The following CNTN6 variants were observed in gnomAD, a reference collection of about 807,000 sequenced individuals.
The protein encoded by CNTN6 is contactin-6.
Under a neutral mutation model 122.8 loss-of-function variants are expected in CNTN6, and 137 were observed. The observed-to-expected ratio is 1.12, with a 90% CI of 0.97 to 1.29. The LOEUF (loss-of-function observed/expected upper bound fraction) is 1.29, where lower values mean the gene tolerates loss of function less well. Among genes scored for constraint, CNTN6 ranks in the 50% most tolerant of loss-of-function variants. CNTN6 has a pLI of 0.00. For synonymous variants in CNTN6, 570 were observed against 426.0 expected, an observed-to-expected ratio of 1.34 and a Z score of -4.16; for missense variants, 1,634 against 1,223.4, an observed-to-expected ratio of 1.34 and a Z score of -5.01.
At chr3:1,192,096 T>C (rs186419681) in intron 2 of CNTN6, among the ~76,000 whole-genome samples, 1 of 152,170 alleles carries the variant, frequency 6.6e-6, no homozygotes, top group Non-Finnish European at 1.5e-5. Context: ...TTTAGGTCAG[T>C]CCTTCATTAT....
intron 7 of CNTN6, among the ~76,000 whole-genome samples, chr3:1,312,192 CTAA>C (rs149352472): frequency 0.03 from 4,536 of 152,056 alleles, 100 homozygotes; most frequent in Non-Finnish European, 0.039. Context: ...CACTCCGAAT[CTAA>C]TGTCAAACAT....
intron 1 of CNTN6, among the ~76,000 whole-genome samples, chr3:1,130,909 T>C (rs369603256): frequency 3.9e-4 from 59 of 152,272 alleles, no homozygotes; most frequent in African/African-American, 1.3e-3. Flanking sequence ...ATTTATAAAT[T>C]AAGATGGAAC....
At chr3:1,294,033 C>G (rs936847734) in intron 5 of CNTN6, among the ~76,000 whole-genome samples, 1 of 152,172 alleles carries the variant, frequency 6.6e-6, no homozygotes, top group Non-Finnish European at 1.5e-5. Flanking sequence ...GATACAACCA[C>G]TTTAAAAAAT....
intron 12 of CNTN6, among the ~76,000 whole-genome samples, chr3:1,361,362 G>A (rs958856712): frequency 6.6e-6 from 1 of 152,040 alleles, no homozygotes; most frequent in African/African-American, 2.4e-5. Flanking sequence ...GTCACTCTTA[G>A]GACTGAAATC....
intron 6 of CNTN6, among the ~76,000 whole-genome samples, chr3:1,297,643 T>TC (rs1187107918): frequency 2.1e-5 from 3 of 144,892 alleles, no homozygotes; most frequent in Non-Finnish European, 4.4e-5. Flanking sequence ...TTTTTCTTTT[T>TC]TTTTTTTTTT....
At position 1,332,495 on chromosome 3, in the gene CNTN6, AAAGG is replaced by A. The variant is rs71056331; in HGVS notation, c.1364+2594_1364+2597del. Among the ~76,000 whole-genome samples, 493 of 118,624 alleles carry A rather than the reference AAAGG, an allele frequency of 4.2e-3. 2 individuals are homozygous for A. Among genetic ancestry groups the A allele is most frequent in the African/African-American group, 5.1e-3 (148 of 28,838 alleles). The allele number at this position is 118,624 out of a possible 152,430, so 77.8% of individuals were successfully genotyped here. ...GAAAGAGAGAAAGAAAGGAAGGAAA[AAAGG>A]AAGGAAGGAAGGAAGGAAGGAAGGA... On this transcript the variant is annotated intron_variant, in intron 11 of 22. Transcript: ENST00000446702.
chr3:1,342,357 T>C (rs1704016727), intron 11 of CNTN6, among the ~76,000 whole-genome samples: 1 of 152,168 alleles, frequency 6.6e-6, no homozygotes, highest in East Asian at 1.9e-4. Flanking sequence ...CTCGAACTCC[T>C]GACCTAGTTA....
At chr3:1,213,189 A>G (rs2094072319) in intron 2 of CNTN6, among the ~76,000 whole-genome samples, 1 of 152,200 alleles carries the variant, frequency 6.6e-6, no homozygotes, top group Admixed American at 6.5e-5. Context: ...TATACCCCCA[A>G]TTTGGACTAC....
intron 1 of CNTN6, among the ~76,000 whole-genome samples, chr3:1,094,711 A>G (rs1041809302): frequency 1.3e-5 from 2 of 152,084 alleles, no homozygotes; most frequent in Non-Finnish European, 2.9e-5. Context: ...AAAAAAATCA[A>G]TTATGTTGTG....
intron 2 of CNTN6, among the ~76,000 whole-genome samples, chr3:1,203,840 G>A (rs555336560): frequency 2.6e-5 from 4 of 152,264 alleles, no homozygotes; most frequent in Admixed American, 2.0e-4. Context: ...CTATGAGATG[G>A]TGGTAACTTA....
chr3:1,222,461 C>T (rs1355662497), intron 3 of CNTN6, among the ~76,000 whole-genome samples: 1 of 151,974 alleles, frequency 6.6e-6, no homozygotes, highest in Non-Finnish European at 1.5e-5. Context: ...AAGACAGACA[C>T]ATAAATACAT....
chr3:1,284,270 A>G (rs1693973406), intron 5 of CNTN6, among the ~76,000 whole-genome samples: 1 of 152,172 alleles, frequency 6.6e-6, no homozygotes, highest in African/African-American at 2.4e-5. Flanking sequence ...GCAAAGGCTC[A>G]CAATTGTGTT....
Position 1,372,960 on chromosome 3 carries a change from G to C in CNTN6, c.1786+5G>C, listed in dbSNP as rs749264531. The C allele has an allele frequency of 6.7e-7, 1 of 1,483,936 alleles. No individual in the cohort carries two copies. The highest frequency in any genetic ancestry group is 9.3e-7 in the Non-Finnish European group (1 of 1,071,434). 91.9% of individuals were successfully genotyped at this position (1,483,936 alleles called of 1,614,324 possible). On this transcript the variant is annotated splice_donor_5th_base_variant and intron_variant, in intron 14 of 22. Transcript: ENST00000446702. ...TAGCCGATATCATTGTTAGAGGTAA[G>C]CATAAATGGTGAAAAAGTGATCACA...
chr3:1,386,914 G>A lies in CNTN6; in HGVS notation c.2704+1117G>A, dbSNP rs142966749. Reference sequence around the variant, plus strand: ...TTATTCCCCTTATGCGTATATATGCGTATATTTGTCATGTCCAAAAGAAGT... The same window carrying A: ...TTATTCCCCTTATGCGTATATATGCATATATTTGTCATGTCCAAAAGAAGT... On this transcript the variant is annotated intron_variant, in intron 20 of 22. Transcript: ENST00000446702. 9.3e-3 allele frequency among the ~76,000 whole-genome samples: 1,408 copies of A among 152,118 alleles called. 15 individuals carry two copies. Among genetic ancestry groups the A allele is most frequent in the South Asian group, 0.017 (80 of 4,832 alleles).
intron 2 of CNTN6, among the ~76,000 whole-genome samples, chr3:1,203,023 A>G (rs574267951): frequency 2.0e-5 from 3 of 152,354 alleles, no homozygotes; most frequent in African/African-American, 4.8e-5. Flanking sequence ...CACTCTCAAC[A>G]TGATAAGGAG....
chr3:1,156,615 T>TTTTCTTTCTTTCTTTCTC (rs2092969422), intron 2 of CNTN6, among the ~76,000 whole-genome samples: 2 of 150,838 alleles, frequency 1.3e-5, no homozygotes, highest in African/African-American at 4.9e-5. Context: ...TTTCTTTTTC[T>TTTTCTTTCTTTCTTTCTC]TTTCTTTCTT....
intron 1 of CNTN6, among the ~76,000 whole-genome samples, chr3:1,122,395 AAAG>A (rs1243833488): frequency 2.8e-5 from 4 of 144,876 alleles, no homozygotes; most frequent in Admixed American, 2.7e-4. Context: ...ATGAAGGAGG[AAAG>A]AAGGGGTTCT....
intron 4 of CNTN6, among the ~76,000 whole-genome samples, chr3:1,273,601 A>G (rs1691776390): frequency 1.3e-5 from 2 of 152,184 alleles, no homozygotes; most frequent in Admixed American, 1.3e-4. Flanking sequence ...TAGTTTAAAT[A>G]AGGCAGACTT....
At chr3:1,277,916 TC>T (rs1314027694) in intron 4 of CNTN6, among the ~76,000 whole-genome samples, 1 of 152,142 alleles carries the variant, frequency 6.6e-6, no homozygotes, top group Non-Finnish European at 1.5e-5. Flanking sequence ...AAGGAATAAA[TC>T]AAGAGAAAAT....
Sources: gnomAD v4.1 joint callset for allele counts (sites outside exome capture counted in the v4.1 genomes callset) on GRCh38, gnomAD v4.1.1 for gene constraint, MANE v1.5 for transcripts, NCBI Gene and HGNC (gene_info 2026-07-23, HGNC 2026-07-21) for gene names.